Variants in CEMIP observed in about 807,000 individuals in gnomAD.
CEMIP encodes cell migration-inducing and hyaluronan-binding protein.
In CEMIP, 105 loss-of-function variants were observed where a neutral mutation model predicts 156.9. The ratio of observed to expected loss-of-function variants is 0.67; its 90% CI spans 0.57 to 0.79. The LOEUF (loss-of-function observed/expected upper bound fraction) is 0.79. Ranked by LOEUF, CEMIP falls within the 30% of genes least tolerant of loss-of-function variation. The pLI is 0.00. For synonymous variants in CEMIP, 676 were observed against 668.4 expected (o/e 1.01, Z -0.17); for missense variants, 1,457 against 1,769.4 (o/e 0.82, Z 3.17).
chr15:80,788,436 A>G (rs1422964024), intron 1 of CEMIP, among the ~76,000 whole-genome samples: 1 of 149,036 alleles, frequency 6.7e-6, no homozygotes, highest in Non-Finnish European at 1.5e-5. Flanking sequence ...GCGCCACTGC[A>G]CTCCAGCCTG....
intron 1 of CEMIP, among the ~76,000 whole-genome samples, chr15:80,792,477 C>T (rs925331816): frequency 6.6e-6 from 1 of 152,178 alleles, no homozygotes; most frequent in Non-Finnish European, 1.5e-5. Context: ...GTTACTTCAC[C>T]TTTCTGTGCC....
Position 80,869,064 on chromosome 15 carries a change from CCT to C in CEMIP, c.-175-4468_-175-4467del, listed in dbSNP as rs1479121025. On this transcript the variant is annotated intron_variant, in intron 1 of 29. Transcript: ENST00000394685. ...TCAGGAGGGTTGGCTTCTTCTGAAGCCTCTCTCCTTGGCTTGAAGCCTCTCTC... is the reference window on the plus strand; with the variant it reads ...TCAGGAGGGTTGGCTTCTTCTGAAGCCTCTCCTTGGCTTGAAGCCTCTCTC... Among the ~76,000 whole-genome samples, 3 of 152,066 alleles carry C rather than the reference CCT, an allele frequency of 2.0e-5. No homozygotes were observed. The East Asian group carries it at 5.8e-4, about 29-fold the overall frequency.
At chr15:80,923,029 A>C (rs1900531740) in intron 17 of CEMIP, among the ~76,000 whole-genome samples, 1 of 152,214 alleles carries the variant, frequency 6.6e-6, no homozygotes, top group South Asian at 2.1e-4. Context: ...AAAAAGTAAA[A>C]AGATTTTTAA....
chr15:80,797,752 C>T (rs1896268586), intron 1 of CEMIP, among the ~76,000 whole-genome samples: 1 of 152,232 alleles, frequency 6.6e-6, no homozygotes, highest in Non-Finnish European at 1.5e-5. Context: ...GGGTCCTCCA[C>T]ACACCCACGG....
chr15:80,784,600 G>T (rs1895881936), intron 1 of CEMIP, among the ~76,000 whole-genome samples: 1 of 152,198 alleles, frequency 6.6e-6, no homozygotes, highest in Non-Finnish European at 1.5e-5. Flanking sequence ...TGCTTACTGT[G>T]ACTGTACTCC....
At chr15:80,888,898 C>T (rs963815553) in intron 9 of CEMIP, 102 bp downstream of exon 9, 47 of 1,081,834 alleles carry the variant, frequency 4.3e-5, no homozygotes, top group Non-Finnish European at 6.6e-5. Flanking sequence ...CCAGTAGGAC[C>T]ACTTTAATTT....
At chr15:80,915,452 C>T (rs1195560791) in intron 14 of CEMIP, among the ~76,000 whole-genome samples, 1 of 152,228 alleles carries the variant, frequency 6.6e-6, no homozygotes, top group African/African-American at 2.4e-5. Context: ...GTTGCAAAGG[C>T]ATTTTCAATC....
intron 1 of CEMIP, among the ~76,000 whole-genome samples, chr15:80,867,611 C>G (rs28502503): frequency 6.6e-6 from 1 of 152,214 alleles, no homozygotes; most frequent in East Asian, 1.9e-4. Context: ...AACATCCTGT[C>G]TAAGGAGACT....
At chr15:80,820,480 A>T (rs993911863) in intron 1 of CEMIP, among the ~76,000 whole-genome samples, 4 of 152,224 alleles carry the variant, frequency 2.6e-5, no homozygotes, top group Admixed American at 6.5e-5. Context: ...TGATTCATCC[A>T]ACCTGAACCA....
At chr15:80,790,461 C>T (rs943862334) in intron 1 of CEMIP, among the ~76,000 whole-genome samples, 1 of 152,162 alleles carries the variant, frequency 6.6e-6, no homozygotes, top group Non-Finnish European at 1.5e-5. Context: ...TTCAGACTCA[C>T]GCAGACAGCA....
intron 1 of CEMIP, among the ~76,000 whole-genome samples, chr15:80,819,194 G>A (rs1192558659): frequency 1.3e-5 from 2 of 152,208 alleles, no homozygotes; most frequent in African/African-American, 2.4e-5. Flanking sequence ...TTAAAATGGA[G>A]GATTATATAA....
At chr15:80,875,055 A>C (rs1365300486) in intron 3 of CEMIP, among the ~76,000 whole-genome samples, 1 of 96,126 alleles carries the variant, frequency 1.0e-5, no homozygotes, top group Admixed American at 1.6e-4. Flanking sequence ...TTTTTTTGAG[A>C]TAGGGTCTCG....
chr15:80,837,881 A>G (rs1288043943), intron 1 of CEMIP, among the ~76,000 whole-genome samples: 1 of 152,200 alleles, frequency 6.6e-6, no homozygotes, highest in Non-Finnish European at 1.5e-5. Flanking sequence ...CCACCCCTGC[A>G]CAGACTGGGG....
rs1901721571 is a variant in CEMIP, at chr15:80,949,418, C to T, written c.*494C>T. On this transcript the variant is annotated 3_prime_UTR_variant, in exon 30 of 30. Transcript: ENST00000394685. Reference sequence around the variant, plus strand: ...TACTCCTGTAAGCAAGAGCCAACCTCACAGGATTAGGAGCTGGGGTAGAAC... The same window carrying T: ...TACTCCTGTAAGCAAGAGCCAACCTTACAGGATTAGGAGCTGGGGTAGAAC... 4.3e-6 allele frequency: 1 copy of T among 230,072 alleles called. No individual in the cohort carries two copies. Among genetic ancestry groups the T allele is most frequent in the Non-Finnish European group, 8.8e-6 (1 of 114,232 alleles). 14.3% of individuals were successfully genotyped at this position (230,072 alleles called of 1,614,324 possible).
At position 80,793,901 on chromosome 15, in the gene CEMIP, G is replaced by A. The variant is rs139147359; in HGVS notation, c.-176+14287G>A. ...ACACCACATGAAACTGGGCATCCCC[G>A]CCAGAAATTCTTAATAGGTGCTCAT... On this transcript the variant is annotated intron_variant, in intron 1 of 29. Transcript: ENST00000394685. 4.0e-3 allele frequency among the ~76,000 whole-genome samples: 614 copies of A among 152,308 alleles called. 3 individuals are homozygous for A. The highest frequency in any genetic ancestry group is 0.013 in the African/African-American group (556 of 41,566).
chr15:80,838,816 A>G (rs987318126), intron 1 of CEMIP, among the ~76,000 whole-genome samples: 3 of 152,230 alleles, frequency 2.0e-5, no homozygotes, highest in Non-Finnish European at 2.9e-5. Context: ...ACTGAGGTTC[A>G]GACAGGTTGG....
intron 12 of CEMIP, among the ~76,000 whole-genome samples, chr15:80,904,637 G>C (rs1354740812): frequency 2.0e-5 from 3 of 152,150 alleles, no homozygotes; most frequent in Admixed American, 6.5e-5. Context: ...CGTGATGACA[G>C]GGGCAGCGAC....
chr15:80,893,214 G>A (rs77230406), intron 10 of CEMIP, among the ~76,000 whole-genome samples: 86 of 150,088 alleles, frequency 5.7e-4, no homozygotes, highest in East Asian at 3.9e-4. Context: ...GAAATGAAAT[G>A]AAATAAAATA....
intron 1 of CEMIP, among the ~76,000 whole-genome samples, chr15:80,806,246 T>C (rs2141614365): frequency 6.6e-6 from 1 of 152,364 alleles, no homozygotes; most frequent in African/African-American, 2.4e-5. Flanking sequence ...AGGTATTGTT[T>C]GACCTTGACT....
Sources: allele counts gnomAD v4.1 joint callset (sites outside exome capture counted in the v4.1 genomes callset), GRCh38; gene constraint gnomAD v4.1.1; transcripts MANE v1.5; gene names NCBI Gene and HGNC (gene_info 2026-07-23, HGNC 2026-07-21).